Variants in LRP1B observed in about 807,000 individuals in gnomAD.
LRP1B encodes low-density lipoprotein receptor-related protein 1B.
LRP1B carries 217 observed loss-of-function variants against 556.6 expected under a neutral mutation model. The observed-to-expected ratio is 0.39, with a 90% CI of 0.35 to 0.44. The LOEUF is 0.44. Among genes scored for constraint, LRP1B ranks in the 20% least tolerant of loss-of-function variants. The probability of loss-of-function intolerance (pLI) is 1.00; values close to 1 mark genes in which losing one functional copy is unlikely to be tolerated. For synonymous variants in LRP1B, 2,047 were observed against 1,865.8 expected (o/e 1.10, Z -2.50); for missense variants, 5,053 against 5,620.8 (o/e 0.90, Z 3.23).
intron 49 of LRP1B, among the ~76,000 whole-genome samples, chr2:140,523,885 G>A (rs1690300260): frequency 6.6e-6 from 1 of 151,828 alleles, no homozygotes; most frequent in Non-Finnish European, 1.5e-5. Flanking sequence ...GAAATCCTAA[G>A]AAATGCTTTT....
chr2:141,477,869 T>A (rs1682771157), intron 3 of LRP1B, among the ~76,000 whole-genome samples: 1 of 152,130 alleles, frequency 6.6e-6, no homozygotes, highest in South Asian at 2.1e-4. Context: ...GTTGCTTAGG[T>A]CTTTTAAAAC....
intron 41 of LRP1B, among the ~76,000 whole-genome samples, chr2:140,612,769 A>G (rs921540703): frequency 1.3e-5 from 2 of 152,164 alleles, no homozygotes; most frequent in African/African-American, 4.8e-5. Context: ...CTGTCTTACT[A>G]TTAGTGTCAA....
chr2:141,218,164 A>C (rs896986274), intron 6 of LRP1B, among the ~76,000 whole-genome samples: 1 of 152,264 alleles, frequency 6.6e-6, no homozygotes, highest in African/African-American at 2.4e-5. Flanking sequence ...TGCAGAAAAA[A>C]AGGAAACACA....
intron 2 of LRP1B, among the ~76,000 whole-genome samples, chr2:141,703,773 GC>G (rs979567670): frequency 4.0e-5 from 6 of 151,864 alleles, no homozygotes; most frequent in African/African-American, 1.5e-4. Flanking sequence ...AAACCCTGGT[GC>G]AAAAACAGAA....
At chr2:141,655,133 G>A (rs766407888) in intron 2 of LRP1B, among the ~76,000 whole-genome samples, 4 of 152,120 alleles carry the variant, frequency 2.6e-5, no homozygotes, top group South Asian at 2.1e-4. Context: ...ACTGAGGAGC[G>A]TAAGTATTGA....
chr2:140,465,728 A>AAAAAG lies in LRP1B; in HGVS notation c.9626-8078_9626-8077insCTTTT, dbSNP rs1553469698. On this transcript the variant is annotated intron_variant, in intron 60 of 90. Transcript: ENST00000389484. ...GGCACTCATGACATTTGCAAAAAAA[A>AAAAAG]AAAAAAGAAAAAAACTCCCTAAACA... Among the ~76,000 whole-genome samples, 4 of 151,536 alleles carry AAAAAG rather than the reference A, an allele frequency of 2.6e-5. 1 individual carries two copies. The highest frequency in any genetic ancestry group is 9.8e-5 in the African/African-American group (4 of 40,964).
chr2:142,128,090 TAATAA>T (rs1707720455), intron 1 of LRP1B, among the ~76,000 whole-genome samples: 1 of 152,068 alleles, frequency 6.6e-6, no homozygotes, highest in Non-Finnish European at 1.5e-5. Context: ...CAATATAAAC[TAATAA>T]AATAAACAAT....
At chr2:141,424,113 CT>C (rs11465120) in intron 3 of LRP1B, among the ~76,000 whole-genome samples, 45 of 136,972 alleles carry the variant, frequency 3.3e-4, no homozygotes, top group African/African-American at 3.8e-4. Flanking sequence ...AAGCCTTCAT[CT>C]TTTTTTTTTT....
rs372407503 is a variant in LRP1B at position 141,748,315 on chromosome 2, T to C, written c.205+61964A>G. Among the ~76,000 whole-genome samples, 248 of 152,316 alleles carry C rather than the reference T, an allele frequency of 1.6e-3. 8 individuals are homozygous for C. In the South Asian group the frequency reaches 0.032, roughly 19 times the overall value. On this transcript the variant is annotated intron_variant, in intron 2 of 90. Coordinates refer to ENST00000389484, the MANE Select transcript of LRP1B (RefSeq NM_018557.3). ...AAATCATATATATAAAAGGCCTAGA[T>C]TAATGACTATAAGCATTCATCATTA...
chr2:141,681,621 T>G (rs1662099239), intron 2 of LRP1B, among the ~76,000 whole-genome samples: 1 of 152,138 alleles, frequency 6.6e-6, no homozygotes, highest in Admixed American at 6.6e-5. Context: ...ATAAATCATC[T>G]AAGATAGCAA....
chr2:141,949,066 C>G (rs1019817453), intron 1 of LRP1B, among the ~76,000 whole-genome samples: 1 of 152,124 alleles, frequency 6.6e-6, no homozygotes, highest in Non-Finnish European at 1.5e-5. Context: ...GTGGCTATCA[C>G]TGTTCCCACT....
intron 1 of LRP1B, among the ~76,000 whole-genome samples, chr2:141,838,918 A>T (rs1172581289): frequency 6.6e-6 from 1 of 152,194 alleles, no homozygotes; most frequent in Non-Finnish European, 1.5e-5. Context: ...TCAAGTTAAG[A>T]AGCTGAGTAA....
At chr2:142,103,844 C>A (rs891309983) in intron 1 of LRP1B, among the ~76,000 whole-genome samples, 2 of 151,928 alleles carry the variant, frequency 1.3e-5, no homozygotes, top group Non-Finnish European at 2.9e-5. Context: ...TCTTACCTAC[C>A]GTGTATAAGA....
At chr2:140,316,048 CA>C (rs1469162923) in intron 82 of LRP1B, among the ~76,000 whole-genome samples, 22 of 152,074 alleles carry the variant, frequency 1.4e-4, no homozygotes, top group Non-Finnish European at 5.9e-5. Context: ...TTATTTTTAA[CA>C]ATATGGCAAG....
chr2:141,242,627 C>G (rs1350271108), intron 5 of LRP1B, among the ~76,000 whole-genome samples: 2 of 152,078 alleles, frequency 1.3e-5, no homozygotes, highest in Non-Finnish European at 2.9e-5. Flanking sequence ...TCTACTCTCA[C>G]TGCTCCAATT....
chr2:142,064,018 C>A (rs879717294), intron 1 of LRP1B, among the ~76,000 whole-genome samples: 1 of 151,410 alleles, frequency 6.6e-6, no homozygotes, highest in Non-Finnish European at 1.5e-5. Flanking sequence ...TGAATAATAT[C>A]CTTCTAGTAT....
At chr2:141,948,705 T>A (rs1238548950) in intron 1 of LRP1B, among the ~76,000 whole-genome samples, 2 of 152,124 alleles carry the variant, frequency 1.3e-5, no homozygotes, top group Non-Finnish European at 2.9e-5. Context: ...AAATGACTAG[T>A]TATAAATACA....
rs185931267 is a variant in LRP1B, at chr2:140,428,155, A to T, written c.10414+14349T>A. On this transcript the variant is annotated intron_variant, in intron 66 of 90. Transcript: ENST00000389484. ...TCTTATTCTCAATATACATTTTATTACCCAATCCCAACATTAAATAAAACT... is the reference window on the plus strand; with the variant it reads ...TCTTATTCTCAATATACATTTTATTTCCCAATCCCAACATTAAATAAAACT... 3.1e-4 allele frequency among the ~76,000 whole-genome samples: 47 copies of T among 152,290 alleles called. No homozygotes were observed. In the East Asian group the frequency reaches 4.3e-3, roughly 14 times the overall value.
At chr2:141,900,792 T>C (rs1258031445) in intron 1 of LRP1B, among the ~76,000 whole-genome samples, 1 of 152,056 alleles carries the variant, frequency 6.6e-6, no homozygotes, top group African/African-American at 2.4e-5. Context: ...CATTAACGTG[T>C]ACATTTTCAA....
Sources: gnomAD v4.1 joint callset for allele counts (sites outside exome capture counted in the v4.1 genomes callset) on GRCh38, gnomAD v4.1.1 for gene constraint, MANE v1.5 for transcripts, NCBI Gene and HGNC (gene_info 2026-07-23, HGNC 2026-07-21) for gene names.